The following PTPRD variants were observed in gnomAD, a reference collection of about 807,000 sequenced individuals.
The protein encoded by PTPRD is protein tyrosine phosphatase receptor type D.
A neutral mutation model predicts 214.5 loss-of-function variants in PTPRD; 34 were observed. That is an observed-to-expected ratio of 0.16 (90% confidence interval 0.12 to 0.21). PTPRD has a LOEUF of 0.21. PTPRD is among the 10% of genes least tolerant of loss of function. The probability of loss-of-function intolerance (pLI) is 1.00; values close to 1 mark genes in which losing one functional copy is unlikely to be tolerated. For missense variants in PTPRD, 2,545 were observed against 2,398.7 expected, an observed-to-expected ratio of 1.06 and a Z score of -1.27; for synonymous variants, 1,128 against 845.7, an observed-to-expected ratio of 1.33 and a Z score of -5.79.
intron 2 of PTPRD, among the ~76,000 whole-genome samples, chr9:10,545,268 G>T (rs1169159015): frequency 6.6e-6 from 1 of 152,118 alleles, no homozygotes; most frequent in Non-Finnish European, 1.5e-5. Flanking sequence ...TGGGGAGAGA[G>T]AATTCTTTCC....
At chr9:10,195,571 C>T (rs1564454918) in intron 3 of PTPRD, among the ~76,000 whole-genome samples, 1 of 152,120 alleles carries the variant, frequency 6.6e-6, no homozygotes, top group African/African-American at 2.4e-5. Context: ...GGCCAGACGC[C>T]GTGGCTCACG....
intron 3 of PTPRD, among the ~76,000 whole-genome samples, chr9:10,129,320 T>A (rs1232350315): frequency 6.6e-6 from 1 of 152,118 alleles, no homozygotes; most frequent in Non-Finnish European, 1.5e-5. Flanking sequence ...ATCTTTTCTT[T>A]AATCATCAAA....
intron 11 of PTPRD, among the ~76,000 whole-genome samples, chr9:8,739,403 T>C (rs2091337858): frequency 6.6e-6 from 1 of 152,230 alleles, no homozygotes; most frequent in South Asian, 2.1e-4. Context: ...TTTTTTTATC[T>C]GCATTGACTA....
At chr9:8,564,474 C>T (rs561363387) in intron 14 of PTPRD, among the ~76,000 whole-genome samples, 4 of 152,032 alleles carry the variant, frequency 2.6e-5, no homozygotes, top group Admixed American at 1.3e-4. Flanking sequence ...TGGAGGCGGG[C>T]GGATCACTTG....
chr9:8,933,515 C>T (rs72706261), intron 11 of PTPRD, among the ~76,000 whole-genome samples: 1,565 of 151,842 alleles, frequency 0.01, 20 homozygotes, highest in African/African-American at 0.029. Context: ...TTCTCAAGTC[C>T]ACAGACAAAG....
chr9:8,503,610 G>A (rs1293320929), intron 23 of PTPRD, among the ~76,000 whole-genome samples: 1 of 152,094 alleles, frequency 6.6e-6, no homozygotes, highest in South Asian at 2.1e-4. Context: ...ATGCTTAAGG[G>A]TAACAGCTCC....
intron 2 of PTPRD, among the ~76,000 whole-genome samples, chr9:10,394,178 CTATATATAAAGA>C (rs1387996868): frequency 7.3e-6 from 1 of 136,826 alleles, no homozygotes; most frequent in African/African-American, 2.9e-5. Flanking sequence ...ACATATATAT[CTATATATAAAGA>C]TATATATAAA....
intron 8 of PTPRD, among the ~76,000 whole-genome samples, chr9:9,502,210 C>A (rs1426430884): frequency 6.6e-6 from 1 of 151,804 alleles, no homozygotes; most frequent in African/African-American, 2.4e-5. Context: ...TACGTTAGAT[C>A]TCTAGGACTT....
At chr9:8,674,901 C>T (rs1038010570) in intron 12 of PTPRD, among the ~76,000 whole-genome samples, 3 of 152,088 alleles carry the variant, frequency 2.0e-5, no homozygotes, top group African/African-American at 4.8e-5. Flanking sequence ...CAAGGTCCTC[C>T]TACTTCTGAG....
chr9:10,450,688 T>C (rs2098835723), intron 2 of PTPRD, among the ~76,000 whole-genome samples: 1 of 152,036 alleles, frequency 6.6e-6, no homozygotes, highest in African/African-American at 2.4e-5. Flanking sequence ...CCTCAGTCCG[T>C]GCACTGATCA....
intron 7 of PTPRD, among the ~76,000 whole-genome samples, chr9:9,590,015 C>T (rs1012106987): frequency 3.9e-5 from 6 of 151,908 alleles, no homozygotes; most frequent in Non-Finnish European, 8.8e-5. Flanking sequence ...GCAACTCTTA[C>T]TCTTTTGTAT....
chr9:8,477,510 C>G (rs891459288), intron 30 of PTPRD, among the ~76,000 whole-genome samples: 9 of 152,140 alleles, frequency 5.9e-5, no homozygotes, highest in Non-Finnish European at 1.2e-4. Flanking sequence ...CAAATTCAGT[C>G]AGGCTTTTTG....
At chr9:9,814,988 C>G (rs990417104) in intron 5 of PTPRD, among the ~76,000 whole-genome samples, 4 of 151,794 alleles carry the variant, frequency 2.6e-5, no homozygotes, top group Admixed American at 1.3e-4. Flanking sequence ...TCTCAAACTC[C>G]TGGGCTCAAG....
At chr9:9,568,778 A>G (rs971201208) in intron 8 of PTPRD, among the ~76,000 whole-genome samples, 6 of 151,936 alleles carry the variant, frequency 3.9e-5, no homozygotes, top group African/African-American at 1.4e-4. Flanking sequence ...TGATAAGGAT[A>G]TACACATAGT....
Position 8,517,981 on chromosome 9 carries a change from A to G in PTPRD, c.1410T>C (p.Asn470=). 3.7e-6 allele frequency: 6 copies of G among 1,614,168 alleles called. No homozygotes were observed. The highest frequency in any genetic ancestry group is 5.1e-6 in the Non-Finnish European group (6 of 1,180,020). Reference sequence around the variant, plus strand: ...TAGTAGTGATTTGGCTGTCAGCTACATTGTGTTTCATCCAGTTGTTGACAT... The same window carrying G: ...TAGTAGTGATTTGGCTGTCAGCTACGTTGTGTTTCATCCAGTTGTTGACAT... The part of the protein sequence containing the change: ...TQHVNNWMKH[N]VADSQITTIG... The change falls in exon 21 of 46, where the codon AAT becomes AAC. Residue 470 remains asparagine, a synonymous_variant. Transcript: ENST00000381196.
intron 14 of PTPRD, among the ~76,000 whole-genome samples, chr9:8,532,345 C>T (rs1245026250): frequency 6.6e-6 from 1 of 151,946 alleles, no homozygotes; most frequent in African/African-American, 2.4e-5. Flanking sequence ...ACGTTAATTG[C>T]TTTTTTCTTC....
chr9:9,946,811 T>C (rs541739054), intron 4 of PTPRD, among the ~76,000 whole-genome samples: 1 of 152,104 alleles, frequency 6.6e-6, no homozygotes, highest in African/African-American at 2.4e-5. Flanking sequence ...ATTTTAACGA[T>C]AGAATTAAAG....
chr9:10,040,571 G>A (rs2097278195), intron 3 of PTPRD, among the ~76,000 whole-genome samples: 1 of 152,020 alleles, frequency 6.6e-6, no homozygotes, highest in African/African-American at 2.4e-5. Flanking sequence ...AGAATCAGCA[G>A]CAAGCTACTT....
chr9:9,240,364 T>A (rs1422575505), intron 9 of PTPRD, among the ~76,000 whole-genome samples: 2 of 152,278 alleles, frequency 1.3e-5, no homozygotes, highest in East Asian at 3.9e-4. Flanking sequence ...TATTTAAGTC[T>A]GTAAACAAAC....
Sources: gnomAD v4.1 joint callset for allele counts (sites outside exome capture counted in the v4.1 genomes callset) on GRCh38, gnomAD v4.1.1 for gene constraint, MANE v1.5 for transcripts, NCBI Gene and HGNC (gene_info 2026-07-23, HGNC 2026-07-21) for gene names.